PARP4: variants seen among roughly 807,000 people sequenced by gnomAD.
PARP4 encodes the protein poly(ADP-ribose) polymerase family member 4, also known as protein mono-ADP-ribosyltransferase PARP4.
In PARP4, 120 loss-of-function variants were observed where a neutral mutation model predicts 187.7. The ratio of observed to expected loss-of-function variants is 0.64; its 90% CI spans 0.55 to 0.74. PARP4 has a LOEUF of 0.74. Ranked by LOEUF, PARP4 falls within the 30% of genes least tolerant of loss-of-function variation. PARP4 has a pLI of 0.00. For missense variants in PARP4, 1,836 were observed against 2,070.5 expected (o/e 0.89, Z 2.20); for synonymous variants, 654 against 740.9 (o/e 0.88, Z 1.90).
chr13:24,510,867 A>G (rs1459861634), intron 1 of PARP4, among the ~76,000 whole-genome samples: 1 of 152,134 alleles, frequency 6.6e-6, no homozygotes, highest in Non-Finnish European at 1.5e-5. Flanking sequence ...GGTCACTGTC[A>G]CAGCTCACTG....
At chr13:24,488,668 A>C (rs984230621) in intron 10 of PARP4, among the ~76,000 whole-genome samples, 1 of 152,150 alleles carries the variant, frequency 6.6e-6, no homozygotes, top group Non-Finnish European at 1.5e-5. Flanking sequence ...CTTTTTAAAA[A>C]TTAAAGTGAA....
intron 6 of PARP4, among the ~76,000 whole-genome samples, chr13:24,497,113 A>T (rs1208967729): frequency 6.6e-6 from 1 of 152,140 alleles, no homozygotes; most frequent in Admixed American, 6.5e-5. Context: ...TTTTATTTGA[A>T]CTTCAGGCAT....
chr13:24,509,542 A>G (rs2137557249), intron 1 of PARP4, among the ~76,000 whole-genome samples: 1 of 152,116 alleles, frequency 6.6e-6, no homozygotes. Context: ...AAATTGTACA[A>G]TTAAAATGAA....
intron 24 of PARP4, 35 bp downstream of exon 24, chr13:24,452,371 G>T: frequency 5.1e-6 from 8 of 1,571,846 alleles, no homozygotes; most frequent in African/African-American, 1.3e-5. Context: ...CCTCCCCGTG[G>T]GTCTGGACTA....
In PARP4 at chr13:24,469,889, C is replaced by T. The variant is rs961648123; in HGVS notation, c.2046+5G>A. The T allele has an allele frequency of 6.2e-7, 1 of 1,611,410 alleles. No homozygotes were observed. The highest frequency in any genetic ancestry group is 1.3e-5 in the African/African-American group (1 of 74,756). ...GAGCGGGCACGATGCATCTTCTTGC[C>T]TTACCTCTCCAACTATGTGCTTCCC... On this transcript the variant is annotated splice_donor_5th_base_variant and intron_variant, in intron 16 of 33. Coordinates refer to ENST00000381989, the MANE Select transcript of PARP4 (RefSeq NM_006437.4).
chr13:24,471,886 G>A (rs1419538599), intron 15 of PARP4, among the ~76,000 whole-genome samples: 5 of 152,152 alleles, frequency 3.3e-5, no homozygotes, highest in Non-Finnish European at 1.5e-5. Context: ...CTACACTGAT[G>A]GGCAGATATT....
intron 30 of PARP4, among the ~76,000 whole-genome samples, chr13:24,436,852 T>C (rs1255550043): frequency 6.6e-6 from 1 of 152,182 alleles, no homozygotes; most frequent in Non-Finnish European, 1.5e-5. Context: ...GAGTAGTCCT[T>C]TCCCAACTCA....
At chr13:24,474,999 T>C (rs1872912745) in intron 15 of PARP4, among the ~76,000 whole-genome samples, 1 of 152,186 alleles carries the variant, frequency 6.6e-6, no homozygotes, top group African/African-American at 2.4e-5. Context: ...GCATGTGATG[T>C]TCCCGCTGCC....
Position 24,494,636 on chromosome 13 carries a change from T to C in PARP4, c.678A>G (p.Gly226=), listed in dbSNP as rs1477012983. 6.2e-7 allele frequency: 1 copy of C among 1,611,048 alleles called. No individual in the cohort carries two copies. The highest frequency in any genetic ancestry group is 2.2e-5 in the East Asian group (1 of 44,804). ...ENYIEELKKQ[G]FLLREHFTPE... The stretch of plus-strand genomic sequence containing the variant: ...GTGTGAAATGTTCTCTTAGTAGAAA[T>C]CCTTGTTTCTTCAGTTCTTCAATGT... Residue 226 remains glycine, a synonymous_variant, in exon 7 of 34, where the codon GGA becomes GGG. Transcript: ENST00000381989.
At chr13:24,487,801 G>A (rs555970193) in intron 10 of PARP4, among the ~76,000 whole-genome samples, 14 of 152,286 alleles carry the variant, frequency 9.2e-5, no homozygotes, top group Non-Finnish European at 1.9e-4. Context: ...TCACAGAGCT[G>A]GCTTACCAGC....
Position 24,460,106 on chromosome 13 carries a change from G to A in PARP4, c.2164C>T (p.Pro722Ser). The A allele has an allele frequency of 6.2e-7, 1 of 1,613,342 alleles. No individual in the cohort carries two copies. Among genetic ancestry groups the A allele is most frequent in the Non-Finnish European group, 8.5e-7 (1 of 1,179,674 alleles). The change falls in exon 18 of 34, where the codon CCC becomes TCC. Residue 722 changes from proline to serine, a missense_variant. Pro to Ser is a moderately conservative substitution (Grantham distance 74). Coordinates refer to ENST00000381989, the MANE Select transcript of PARP4 (RefSeq NM_006437.4). ...DVFTVSVGNL[P>S]PKAKVLIKIT... ...TTTATAAGAACCTTAGCCTTAGGGG[G>A]TAAGTTTCCAACACTTACAGTAAAA...
chr13:24,496,119 G>A (rs149771396), intron 6 of PARP4, among the ~76,000 whole-genome samples: 2 of 152,088 alleles, frequency 1.3e-5, no homozygotes, highest in East Asian at 1.9e-4. Context: ...AAGGGAGGAA[G>A]GCACCCTGAG....
intron 6 of PARP4, among the ~76,000 whole-genome samples, chr13:24,497,121 C>T (rs1869001150): frequency 6.6e-6 from 1 of 152,184 alleles, no homozygotes. Context: ...GAACTTCAGG[C>T]ATTAATTCTA....
At chr13:24,480,291 T>C (rs1462812843) in intron 12 of PARP4, among the ~76,000 whole-genome samples, 4 of 152,216 alleles carry the variant, frequency 2.6e-5, no homozygotes, top group African/African-American at 9.6e-5. Flanking sequence ...AGTGGTTCCC[T>C]CATCTCTCTC....
intron 8 of PARP4, 87 bp from the exon 9 acceptor site, chr13:24,492,681 G>A: frequency 9.8e-7 from 1 of 1,019,248 alleles, no homozygotes; most frequent in East Asian, 2.6e-5. Context: ...ATAATTGTTA[G>A]ACATGTCAAG....
chr13:24,481,842 C>A (rs1422868648), intron 12 of PARP4, among the ~76,000 whole-genome samples: 1 of 152,122 alleles, frequency 6.6e-6, no homozygotes, highest in African/African-American at 2.4e-5. Flanking sequence ...CTCACCTGGG[C>A]AATAATGGAT....
chr13:24,437,280 A>T (rs1310519696), intron 30 of PARP4, among the ~76,000 whole-genome samples: 3 of 152,170 alleles, frequency 2.0e-5, no homozygotes, highest in Admixed American at 1.3e-4. Context: ...AAAGGGAAAA[A>T]TTTTAAAAGT....
chr13:24,501,674 A>G lies in PARP4; in HGVS notation c.293T>C (p.Leu98Pro). The change falls in exon 3 of 34, where the codon CTG (leucine) becomes CCG (proline). Residue 98 changes from leucine (L) to proline (P), a missense_variant. Physicochemically the swap from Leu to Pro is moderately conservative, Grantham distance 98. Around this residue, in one of 8 missense-constraint regions of PARP4, gnomAD observed 1,147 missense variants for 1,214.2 expected, o/e 0.94. Transcript: ENST00000381989. ...CTGATCAGGAGGTGGTGTGATGTCC[A>G]GGGGCTTATAAGGATCATAATTCTT... ...DVKNYDPYKP[L>P]DITPPPDQKA... The G allele has an allele frequency of 6.2e-7, 1 of 1,613,542 alleles. No homozygotes were observed. The highest frequency in any genetic ancestry group is 8.5e-7 in the Non-Finnish European group (1 of 1,179,486).
rs1341212202 is a variant in PARP4, at chr13:24,459,084, A to G, written c.2384T>C (p.Ile795Thr). The G allele has an allele frequency of 1.2e-6, 2 of 1,611,238 alleles. No individual in the cohort carries two copies. Among genetic ancestry groups the G allele is most frequent in the Non-Finnish European group, 1.7e-6 (2 of 1,177,998 alleles). ...ATGTGTATCACTGAAAATGAATTCAATCACATACGGCATCTCAATAGACAT... is the reference window on the plus strand; with the variant it reads ...ATGTGTATCACTGAAAATGAATTCAGTCACATACGGCATCTCAATAGACAT... ...LTMSIEMPYV[I>T]EFIFSDTHEL... The change falls in exon 20 of 34, where the codon ATT (isoleucine) becomes ACT (threonine). Residue 795 changes from isoleucine (I) to threonine (T), a missense_variant. Around this residue, in one of 8 missense-constraint regions of PARP4, gnomAD observed 1,147 missense variants for 1,214.2 expected, o/e 0.94. Coordinates refer to ENST00000381989, the MANE Select transcript of PARP4 (RefSeq NM_006437.4).
Sources: gnomAD v4.1 joint callset for allele counts (sites outside exome capture counted in the v4.1 genomes callset) on GRCh38, gnomAD v4.1.1 for gene constraint, gnomAD v4.1.1 regional missense constraint, MANE v1.5 for transcripts, NCBI Gene and HGNC (gene_info 2026-07-23, HGNC 2026-07-21) for gene names.